ABCA3: variants seen among roughly 807,000 people sequenced by gnomAD.
The protein encoded by ABCA3 is phospholipid-transporting ATPase ABCA3.
Under a neutral mutation model 172.8 loss-of-function variants are expected in ABCA3, and 88 were observed. That is an observed-to-expected ratio of 0.51 (90% confidence interval 0.43 to 0.61). ABCA3 has a LOEUF of 0.61. Among genes scored for constraint, ABCA3 ranks in the 20% least tolerant of loss-of-function variants. The pLI is 0.00. For synonymous variants in ABCA3, 1,066 were observed against 983.8 expected (o/e 1.08, Z -1.56); for missense variants, 2,164 against 2,301.0 (o/e 0.94, Z 1.22).
At chr16:2,310,427 AAAACAAAC>A (rs143630880) in intron 10 of ABCA3, among the ~76,000 whole-genome samples, 4 of 150,940 alleles carry the variant, frequency 2.7e-5, no homozygotes, top group Non-Finnish European at 4.4e-5. Context: ...AACAAACAAA[AAAACAAAC>A]AAACAAACAA....
chr16:2,279,577 C>T lies in ABCA3; in HGVS notation c.4360-447G>A, dbSNP rs1374791339. Reference sequence around the variant, plus strand: ...TTGGTCAGATGGTGCAGCAGCTGTTCTCTGCACAAGTGACCACGTCCAGCT... The same window carrying T: ...TTGGTCAGATGGTGCAGCAGCTGTTTTCTGCACAAGTGACCACGTCCAGCT... On this transcript the variant is annotated intron_variant, in intron 28 of 32. Coordinates refer to ENST00000301732, the MANE Select transcript of ABCA3 (RefSeq NM_001089.3). This position sits in a 1 kb window ranked among gnomAD's most constrained non-coding sequence, Gnocchi z 4.4. Among the ~76,000 whole-genome samples, 1 of 152,188 alleles carries T rather than the reference C, an allele frequency of 6.6e-6. No individual in the cohort carries two copies. Among genetic ancestry groups the T allele is most frequent in the African/African-American group, 2.4e-5 (1 of 41,442 alleles).
At chr16:2,310,519 C>CT (rs771886336) in intron 10 of ABCA3, among the ~76,000 whole-genome samples, 519 of 144,762 alleles carry the variant, frequency 3.6e-3, no homozygotes, top group Non-Finnish European at 5.3e-3. Flanking sequence ...TTTTTTCTTT[C>CT]TTTTTTTTTT....
At chr16:2,296,927 C>T (rs893323031) in intron 17 of ABCA3, among the ~76,000 whole-genome samples, 10 of 152,148 alleles carry the variant, frequency 6.6e-5, no homozygotes, top group East Asian at 1.9e-4. Flanking sequence ...AAAGGGAAGC[C>T]GTAGTTGCAC....
At position 2,286,182 on chromosome 16, in the gene ABCA3, G is replaced by A. The variant is rs1303921256; in HGVS notation, c.3278+512C>T. On this transcript the variant is annotated intron_variant, in intron 22 of 32. Transcript: ENST00000301732. This position sits in a 1 kb window ranked among gnomAD's most constrained non-coding sequence, Gnocchi z 5.2. Reference sequence around the variant, plus strand: ...AGGAGTGGCTATTCTGAAATTAACAGAATTTTTGGCCTCCTCTGGGTGGTT... The same window carrying A: ...AGGAGTGGCTATTCTGAAATTAACAAAATTTTTGGCCTCCTCTGGGTGGTT... 6.6e-6 allele frequency among the ~76,000 whole-genome samples: 1 copy of A among 152,228 alleles called. No homozygotes were observed. The highest frequency in any genetic ancestry group is 6.5e-5 in the Admixed American group (1 of 15,286).
Position 2,328,679 on chromosome 16 carries a change from C to A in ABCA3, c.-253G>T. 9.9e-6 allele frequency: 4 copies of A among 402,928 alleles called. No homozygotes were observed. Among genetic ancestry groups the A allele is most frequent in the South Asian group, 7.0e-5 (4 of 57,264 alleles). 25.0% of individuals were successfully genotyped at this position (402,928 alleles called of 1,614,324 possible). ...GCAGAGAGGAGTCCTTCCCGCTCAG[C>A]GTCCTTCATGTGCGGAAAAGCCTCC... is the stretch of plus-strand genomic sequence containing the variant. On this transcript the variant is annotated 5_prime_UTR_variant, in exon 3 of 33. Transcript: ENST00000301732.
rs56389139 is a variant in ABCA3, at chr16:2,313,552, CAAAA to C, written c.1111+3727_1111+3730del. ...TAGGCAACAGAGTGAGACTCTGTCA[CAAAA>C]AAAAAAAAAAAAAAAAGAAGAAAGG... On this transcript the variant is annotated intron_variant, in intron 10 of 32. Transcript: ENST00000301732. Among the ~76,000 whole-genome samples, 22 of 61,900 alleles carry C rather than the reference CAAAA, an allele frequency of 3.6e-4. No homozygotes were observed. In the South Asian group the frequency reaches 8.2e-3, roughly 23 times the overall value. The allele number at this position is 61,900 out of a possible 152,430, so 40.6% of individuals were successfully genotyped here.
At chr16:2,325,096 G>A (rs1165802130) in intron 5 of ABCA3, among the ~76,000 whole-genome samples, 5 of 152,168 alleles carry the variant, frequency 3.3e-5, no homozygotes, top group South Asian at 2.1e-4. Flanking sequence ...CTTTCATCCC[G>A]ACAGCAAGGG....
chr16:2,278,970 T>C lies in ABCA3; in HGVS notation c.4520A>G (p.His1507Arg). The C allele has an allele frequency of 6.2e-7, 1 of 1,613,598 alleles. No individual in the cohort carries two copies. Among genetic ancestry groups the C allele is most frequent in the South Asian group, 1.1e-5 (1 of 91,080 alleles). ...GTACGTCCTGACCAGCTTGTTGGCA[T>C]GTGGCTCCAGCAGCAGGCCCCGCAG... ...NTLRGLLLEPHANKLVRTYSG... is the reference protein window; with the variant it reads ...NTLRGLLLEPRANKLVRTYSG... Residue 1507 changes from histidine (H) to arginine (R), a missense_variant, in exon 29 of 33, where the codon CAT becomes CGT. His to Arg is a conservative substitution (Grantham distance 29, BLOSUM62 0). Coordinates refer to ENST00000301732, the MANE Select transcript of ABCA3 (RefSeq NM_001089.3). This position sits in a 1 kb window ranked among gnomAD's most constrained non-coding sequence, Gnocchi z 4.4.
At chr16:2,307,124 A>G (rs1386970595) in intron 11 of ABCA3, among the ~76,000 whole-genome samples, 2 of 152,132 alleles carry the variant, frequency 1.3e-5, no homozygotes, top group Non-Finnish European at 2.9e-5. Flanking sequence ...TCAAAAAACA[A>G]AAAAGAAAAG....
chr16:2,314,327 C>T (rs1230870846), intron 10 of ABCA3, among the ~76,000 whole-genome samples: 1 of 152,052 alleles, frequency 6.6e-6, no homozygotes, highest in Admixed American at 6.6e-5. Context: ...CACAGATGAA[C>T]CTTGGGGATG....
chr16:2,299,863 G>C, intron 13 of ABCA3, 142 bp downstream of exon 13: 1 of 1,228,792 alleles, frequency 8.1e-7, no homozygotes, highest in Admixed American at 2.0e-5. Flanking sequence ...GGGCAGCGGA[G>C]GGTTCCTGCC....
rs2093681136 is a variant in ABCA3 at position 2,297,207 on chromosome 16, G to C, written c.2263+122C>G. 1.8e-6 allele frequency: 2 copies of C among 1,101,774 alleles called. No homozygotes were observed. Among genetic ancestry groups the C allele is most frequent in the Non-Finnish European group, 2.7e-6 (2 of 750,750 alleles). 68.2% of individuals were successfully genotyped at this position (1,101,774 alleles called of 1,614,324 possible). A position where few individuals can be genotyped will look rare whatever the true frequency, so the allele number is the denominator to read the frequency against. ...TTGGGCTCTCCACCCAGAGGCAACA[G>C]ACAGGAAGTCTAGAAAAGGCCACCC... On this transcript the variant is annotated intron_variant, in intron 17 of 32. Transcript: ENST00000301732. This position sits in a 1 kb window ranked among gnomAD's most constrained non-coding sequence, Gnocchi z 5.6.
At chr16:2,303,432 T>TTTTTTTA (rs1182970746) in intron 12 of ABCA3, among the ~76,000 whole-genome samples, 1 of 152,020 alleles carries the variant, frequency 6.6e-6, no homozygotes, top group Non-Finnish European at 1.5e-5. Context: ...CGGCTAGTTT[T>TTTTTTTA]TTTTTTATTT....
At chr16:2,299,945 G>C (rs2093686286) in intron 13 of ABCA3, 60 bp downstream of exon 13, 1 of 1,604,844 alleles carries the variant, frequency 6.2e-7, no homozygotes, top group Non-Finnish European at 8.5e-7. Context: ...CTGCCGTGCT[G>C]GTAAGTCTTC....
At chr16:2,303,044 C>A (rs534055899) in intron 12 of ABCA3, among the ~76,000 whole-genome samples, 141 of 152,170 alleles carry the variant, frequency 9.3e-4, no homozygotes, top group Non-Finnish European at 1.9e-3. Context: ...GGTGATCCAC[C>A]CATCTTGGCC....
chr16:2,297,263 A>G lies in ABCA3; in HGVS notation c.2263+66T>C. 1 of 1,552,164 alleles carries G rather than the reference A, an allele frequency of 6.4e-7. No homozygotes were observed. Among genetic ancestry groups the G allele is most frequent in the South Asian group, 1.1e-5 (1 of 89,122 alleles). On this transcript the variant is annotated intron_variant, in intron 17 of 32. Coordinates refer to ENST00000301732, the MANE Select transcript of ABCA3 (RefSeq NM_001089.3). The surrounding 1 kb of genome is among the most constrained non-coding windows in gnomAD (Gnocchi z 5.6). ...TGATCTGAGGGCCCTTCATGAAGGTAGCAGCCATTCCCTCAGCACGGCAGC... is the reference window on the plus strand; with the variant it reads ...TGATCTGAGGGCCCTTCATGAAGGTGGCAGCCATTCCCTCAGCACGGCAGC...
chr16:2,322,263 T>C (rs1596863736), intron 7 of ABCA3, among the ~76,000 whole-genome samples: 1 of 151,908 alleles, frequency 6.6e-6, no homozygotes, highest in Non-Finnish European at 1.5e-5. Context: ...TTCCAGGATA[T>C]AGAGAAAGGG....
In ABCA3 at chr16:2,340,615, C is replaced by G. The variant is rs1596876830; in HGVS notation, c.-581G>C. The G allele has an allele frequency of 6.7e-6, 1 of 149,276 alleles. No individual in the cohort carries two copies. Among genetic ancestry groups the G allele is most frequent in the South Asian group, 2.0e-4 (1 of 4,896 alleles). The allele number at this position is 149,276 out of a possible 1,614,324, so 9.2% of individuals were successfully genotyped here. On this transcript the variant is annotated 5_prime_UTR_variant, in exon 1 of 33. Coordinates refer to ENST00000301732, the MANE Select transcript of ABCA3 (RefSeq NM_001089.3). ...GCGGCGGCGGCCGGCGCGCGGCCCT[C>G]TCGCGGGGTCCCCTCCCTCGGCCAC...
At chr16:2,332,723 G>T in intron 1 of ABCA3, 1 of 1,259,410 alleles carries the variant, frequency 7.9e-7, no homozygotes, top group Non-Finnish European at 1.1e-6. Flanking sequence ...CCAAAGACCC[G>T]CACCGATTGC....
Sources: gnomAD v4.1 joint callset for allele counts (sites outside exome capture counted in the v4.1 genomes callset) on GRCh38, gnomAD v4.1.1 for gene constraint, Gnocchi (gnomAD v3.1) non-coding constraint, MANE v1.5 for transcripts, NCBI Gene and HGNC (gene_info 2026-07-23, HGNC 2026-07-21) for gene names.